Variants in TMEM135 observed in about 807,000 individuals in gnomAD.
TMEM135 encodes transmembrane protein 135, also known as peroxisomal membrane protein 52.
Under a neutral mutation model 60.3 loss-of-function variants are expected in TMEM135, and 30 were observed. The observed-to-expected ratio is 0.50, with a 90% CI of 0.37 to 0.68. TMEM135 has a LOEUF of 0.68. TMEM135 is among the 30% of genes least tolerant of loss of function. The probability of loss-of-function intolerance (pLI) is 0.00; values close to 1 mark genes in which losing one functional copy is unlikely to be tolerated. For missense variants in TMEM135, 468 were observed against 548.8 expected (o/e 0.85, Z 1.47); for synonymous variants, 190 against 186.7 (o/e 1.02, Z -0.14).
chr11:87,290,226 C>T (rs910764250), intron 6 of TMEM135, among the ~76,000 whole-genome samples: 17 of 152,094 alleles, frequency 1.1e-4, no homozygotes, highest in African/African-American at 2.9e-4. Flanking sequence ...AGCACATTTA[C>T]GTTATCCAAT....
chr11:87,160,713 A>G (rs765438869), intron 5 of TMEM135, among the ~76,000 whole-genome samples: 1 of 152,204 alleles, frequency 6.6e-6, no homozygotes, highest in Non-Finnish European at 1.5e-5. Flanking sequence ...AATTATTACT[A>G]TTATCTTTTC....
intron 5 of TMEM135, among the ~76,000 whole-genome samples, chr11:87,182,432 T>C (rs1939539761): frequency 6.6e-6 from 1 of 152,122 alleles, no homozygotes; most frequent in Admixed American, 6.6e-5. Context: ...ATGATTTAAA[T>C]GGTAGCACCT....
intron 5 of TMEM135, among the ~76,000 whole-genome samples, chr11:87,197,418 G>A (rs897640932): frequency 1.3e-5 from 2 of 152,066 alleles, no homozygotes; most frequent in Admixed American, 1.3e-4. Flanking sequence ...AAAACAGGAA[G>A]CATCTTAAGC....
intron 1 of TMEM135, among the ~76,000 whole-genome samples, chr11:87,055,711 C>T (rs11234933): frequency 0.09 from 13,674 of 152,114 alleles, 683 homozygotes; most frequent in East Asian, 0.17. Flanking sequence ...CTGCCTCAGC[C>T]TCCTGTGTAG....
intron 5 of TMEM135, among the ~76,000 whole-genome samples, chr11:87,232,151 A>G (rs1230986297): frequency 1.3e-5 from 2 of 152,054 alleles, no homozygotes; most frequent in Non-Finnish European, 2.9e-5. Context: ...GGGTTTTGCC[A>G]TGTTGGACAG....
intron 4 of TMEM135, among the ~76,000 whole-genome samples, chr11:87,138,451 T>C (rs1565457687): frequency 6.6e-6 from 1 of 152,168 alleles, no homozygotes; most frequent in Non-Finnish European, 1.5e-5. Flanking sequence ...TTGAAATTGC[T>C]TTAATGTAGT....
intron 3 of TMEM135, among the ~76,000 whole-genome samples, chr11:87,075,877 A>C (rs1856860309): frequency 8.2e-6 from 1 of 122,358 alleles, no homozygotes; most frequent in African/African-American, 3.6e-5. Flanking sequence ...ACTTTCTCCT[A>C]AATAAACAGG....
intron 4 of TMEM135, among the ~76,000 whole-genome samples, chr11:87,105,952 T>C (rs1298965257): frequency 1.3e-5 from 2 of 152,184 alleles, no homozygotes; most frequent in East Asian, 3.8e-4. Context: ...CAGCTTCTGG[T>C]ATTTATCATT....
At chr11:87,067,189 T>A (rs1365040715) in intron 1 of TMEM135, among the ~76,000 whole-genome samples, 5 of 147,664 alleles carry the variant, frequency 3.4e-5, no homozygotes, top group Non-Finnish European at 6.0e-5. Context: ...ACACACACTA[T>A]GTATATATAT....
chr11:87,301,153 C>T (rs1447303767), intron 7 of TMEM135, among the ~76,000 whole-genome samples: 2 of 152,106 alleles, frequency 1.3e-5, no homozygotes, highest in Non-Finnish European at 1.5e-5. Flanking sequence ...GATGTTTTAC[C>T]AAGGTTGTCT....
chr11:87,184,998 C>T (rs940456121), intron 5 of TMEM135, among the ~76,000 whole-genome samples: 2 of 152,048 alleles, frequency 1.3e-5, no homozygotes, highest in Non-Finnish European at 2.9e-5. Context: ...GGATAATCCC[C>T]CAATGTAGCC....
At chr11:87,295,732 T>TCAAAA in intron 6 of TMEM135, 50 bp from the exon 7 acceptor site, 1 of 1,491,308 alleles carries the variant, frequency 6.7e-7, no homozygotes. Context: ...GAATAGGTAC[T>TCAAAA]TGTATCTCAA....
intron 6 of TMEM135, among the ~76,000 whole-genome samples, chr11:87,283,171 C>T (rs893914143): frequency 1.3e-5 from 2 of 151,720 alleles, no homozygotes; most frequent in African/African-American, 4.8e-5. Flanking sequence ...CCTGTCTCTA[C>T]TGAAAATACA....
intron 5 of TMEM135, among the ~76,000 whole-genome samples, chr11:87,197,203 T>G (rs1262681497): frequency 6.6e-6 from 1 of 152,124 alleles, no homozygotes; most frequent in Non-Finnish European, 1.5e-5. Context: ...TTCTGTAAAT[T>G]TCCATGGCAT....
chr11:87,325,577 T>A lies in TMEM135; in HGVS notation c.*4244T>A. 2.2e-6 allele frequency: 1 copy of A among 454,014 alleles called. No individual in the cohort carries two copies. Among genetic ancestry groups the A allele is most frequent in the Admixed American group, 2.3e-5 (1 of 42,570 alleles). The allele number at this position is 454,014 out of a possible 1,614,324, so 28.1% of individuals were successfully genotyped here. A position where few individuals can be genotyped will look rare whatever the true frequency, so the allele number is the denominator to read the frequency against. ...ACCTTGTCCATTCTCTGCTTGCTGG[T>A]GTTACTTTATGTTAACTAGTCTCCT... On this transcript the variant is annotated 3_prime_UTR_variant, in exon 15 of 15. Coordinates refer to ENST00000305494, the MANE Select transcript of TMEM135 (RefSeq NM_022918.4).
chr11:87,197,992 C>T (rs540826608), intron 5 of TMEM135, among the ~76,000 whole-genome samples: 1 of 152,024 alleles, frequency 6.6e-6, no homozygotes, highest in Non-Finnish European at 1.5e-5. Context: ...TTATGGGCTA[C>T]ATGTGAGTAT....
rs759379791 is a variant in TMEM135, at chr11:87,157,381, C to A, written c.437C>A (p.Thr146Asn). The stretch of plus-strand genomic sequence containing the variant: ...TTCAGAATGGGTGTAGCAAGAGGAA[C>A]CATCACAACATTAAGAAATGGAGAA... ...TLFRMGVARG[T>N]ITTLRNGEVL... Residue 146 changes from threonine to asparagine, a missense_variant, in exon 5 of 15, where the codon ACC (threonine) becomes AAC (asparagine). By Grantham distance (65) the Thr-to-Asn change is moderately conservative. Coordinates refer to ENST00000305494, the MANE Select transcript of TMEM135 (RefSeq NM_022918.4). 6.2e-7 allele frequency: 1 copy of A among 1,612,266 alleles called. No individual in the cohort carries two copies. The highest frequency in any genetic ancestry group is 8.5e-7 in the Non-Finnish European group (1 of 1,179,336).
chr11:87,235,609 T>C (rs1313207528), intron 5 of TMEM135, among the ~76,000 whole-genome samples: 2 of 151,992 alleles, frequency 1.3e-5, no homozygotes, highest in Non-Finnish European at 2.9e-5. Flanking sequence ...TGGTCACCCT[T>C]TCACAATAGA....
chr11:87,081,749 A>G (rs527377075), intron 3 of TMEM135, among the ~76,000 whole-genome samples: 8 of 149,942 alleles, frequency 5.3e-5, no homozygotes, highest in African/African-American at 1.5e-4. Context: ...CTAGTGTTTC[A>G]TTCTTAGACA....
Sources: allele counts gnomAD v4.1 joint callset (sites outside exome capture counted in the v4.1 genomes callset), GRCh38; gene constraint gnomAD v4.1.1; transcripts MANE v1.5; gene names NCBI Gene and HGNC (gene_info 2026-07-23, HGNC 2026-07-21).